The following TENM3 variants were observed in gnomAD, a reference collection of about 807,000 sequenced individuals.
The protein encoded by TENM3 is teneurin-3.
TENM3 carries 63 observed loss-of-function variants against 255.1 expected under a neutral mutation model. The ratio of observed to expected loss-of-function variants is 0.25; its 90% CI spans 0.20 to 0.30. The LOEUF is 0.30. Ranked by LOEUF, TENM3 falls within the 10% of genes least tolerant of loss-of-function variation. The pLI is 1.00. For synonymous variants in TENM3, 1,306 were observed against 1,322.3 expected, an observed-to-expected ratio of 0.99 and a Z score of 0.27; for missense variants, 2,929 against 3,461.1, an observed-to-expected ratio of 0.85 and a Z score of 3.86.
intron 24 of TENM3, among the ~76,000 whole-genome samples, chr4:182,779,625 A>G (rs951308199): frequency 7.9e-5 from 12 of 152,176 alleles, no homozygotes; most frequent in African/African-American, 2.4e-4. Flanking sequence ...AACCCTGAGG[A>G]ATCGCCACAC....
the TENM3 span, among the ~76,000 whole-genome samples, chr4:181,556,777 T>G: frequency 6.6e-6 from 1 of 152,214 alleles, no homozygotes; most frequent in Non-Finnish European, 1.5e-5. Flanking sequence ...ATCATGAGAT[T>G]TCATAACATT....
intron 22 of TENM3, among the ~76,000 whole-genome samples, chr4:182,765,582 T>G (rs1192151992): frequency 1.3e-5 from 2 of 152,162 alleles, no homozygotes; most frequent in South Asian, 2.1e-4. Context: ...CATCTTAGTC[T>G]CCATATTCTC....
the TENM3 span, among the ~76,000 whole-genome samples, chr4:181,927,546 C>T: frequency 6.6e-6 from 1 of 152,198 alleles, no homozygotes; most frequent in Non-Finnish European, 1.5e-5. Flanking sequence ...GATAAAACCC[C>T]CATCTCCCTG....
At chr4:182,427,493 G>A (rs899661377) in intron 3 of TENM3, among the ~76,000 whole-genome samples, 4 of 151,992 alleles carry the variant, frequency 2.6e-5, no homozygotes, top group Admixed American at 1.3e-4. Context: ...GTCAGGCTGC[G>A]GTTATATGCA....
intron 4 of TENM3, among the ~76,000 whole-genome samples, chr4:182,618,433 A>C (rs1476577975): frequency 6.6e-6 from 1 of 152,100 alleles, no homozygotes; most frequent in Admixed American, 6.6e-5. Flanking sequence ...GCATCTTCTA[A>C]AATGAACTTT....
chr4:181,849,751 C>A, the TENM3 span, among the ~76,000 whole-genome samples: 1 of 152,016 alleles, frequency 6.6e-6, no homozygotes, highest in Non-Finnish European at 1.5e-5. Context: ...TTAGAAGATT[C>A]TGAAATACCC....
chr4:181,767,244 T>C, the TENM3 span, among the ~76,000 whole-genome samples: 1 of 105,056 alleles, frequency 9.5e-6, no homozygotes, highest in African/African-American at 3.8e-5. Flanking sequence ...AGTGCGAGAC[T>C]CCGTCTCAAA....
At chr4:182,693,953 A>T (rs1757195352) in intron 12 of TENM3, among the ~76,000 whole-genome samples, 1 of 152,218 alleles carries the variant, frequency 6.6e-6, no homozygotes. Context: ...ACAACAGAAC[A>T]AAACTCCTGT....
the TENM3 span, among the ~76,000 whole-genome samples, chr4:181,465,421 A>G: frequency 6.6e-6 from 1 of 152,224 alleles, no homozygotes; most frequent in Non-Finnish European, 1.5e-5. Flanking sequence ...TTGCTCAGAA[A>G]CAAAGAGTGC....
chr4:182,547,713 C>T (rs571873880), intron 3 of TENM3, among the ~76,000 whole-genome samples: 8 of 152,182 alleles, frequency 5.3e-5, no homozygotes, highest in African/African-American at 1.4e-4. Context: ...TGACAGCTTT[C>T]GGTTTTCATA....
At chr4:181,800,741 A>G in the TENM3 span, among the ~76,000 whole-genome samples, 1 of 152,190 alleles carries the variant, frequency 6.6e-6, no homozygotes, top group Non-Finnish European at 1.5e-5. Context: ...AATGGAAATA[A>G]TGGTAGTACC....
chr4:181,505,559 G>T, the TENM3 span, among the ~76,000 whole-genome samples: 3 of 152,104 alleles, frequency 2.0e-5, no homozygotes, highest in East Asian at 5.8e-4. Flanking sequence ...TCTTTTTACT[G>T]AATAACAGTG....
At chr4:181,846,036 G>A in the TENM3 span, among the ~76,000 whole-genome samples, 1 of 152,120 alleles carries the variant, frequency 6.6e-6, no homozygotes, top group Non-Finnish European at 1.5e-5. Flanking sequence ...TCTCTCATGT[G>A]CATGCTCTTT....
At chr4:182,443,549 T>G (rs765250158) in intron 3 of TENM3, among the ~76,000 whole-genome samples, 2 of 152,196 alleles carry the variant, frequency 1.3e-5, no homozygotes, top group Non-Finnish European at 2.9e-5. Flanking sequence ...GGATTTCTCT[T>G]GAAGCTCTGC....
At chr4:182,046,062 T>G in the TENM3 span, among the ~76,000 whole-genome samples, 1 of 152,182 alleles carries the variant, frequency 6.6e-6, no homozygotes, top group African/African-American at 2.4e-5. Context: ...CAAAAGCTTC[T>G]GTTTATTAAC....
At chr4:181,826,963 C>T in the TENM3 span, among the ~76,000 whole-genome samples, 1 of 152,162 alleles carries the variant, frequency 6.6e-6, no homozygotes, top group Non-Finnish European at 1.5e-5. Flanking sequence ...TGTGGTGTTG[C>T]AGAAATGGCA....
At chr4:182,677,877 A>C (rs7684417) in intron 7 of TENM3, among the ~76,000 whole-genome samples, 19,982 of 152,146 alleles carry the variant, frequency 0.13, 1,432 homozygotes, top group Non-Finnish European at 0.15. Context: ...CAATATATTT[A>C]ACTGTGATTC....
chr4:181,794,408 A>C, the TENM3 span, among the ~76,000 whole-genome samples: 17 of 152,108 alleles, frequency 1.1e-4, no homozygotes, highest in Non-Finnish European at 2.4e-4. Flanking sequence ...ATTCTGTGCA[A>C]CTGAAACTTT....
chr4:182,157,461 C>T (rs1343908738), intron 1 of TENM3, among the ~76,000 whole-genome samples: 1 of 152,170 alleles, frequency 6.6e-6, no homozygotes, highest in Non-Finnish European at 1.5e-5. Context: ...GACACAGTGC[C>T]TGGCCCTGAA....
Sources: allele counts gnomAD v4.1 joint callset (sites outside exome capture counted in the v4.1 genomes callset), GRCh38; gene constraint gnomAD v4.1.1; transcripts MANE v1.5; gene names NCBI Gene and HGNC (gene_info 2026-07-23, HGNC 2026-07-21).